CTNNA3: variants seen among roughly 807,000 people sequenced by gnomAD.
The protein encoded by CTNNA3 is catenin alpha-3.
Under a neutral mutation model 95.7 loss-of-function variants are expected in CTNNA3, and 76 were observed. That is an observed-to-expected ratio of 0.79 (90% CI 0.66 to 0.96). The LOEUF (loss-of-function observed/expected upper bound fraction) is 0.96, where lower values mean the gene tolerates loss of function less well. CTNNA3 is among the 40% of genes least tolerant of loss of function. CTNNA3 has a pLI of 0.00. For missense variants in CTNNA3, 1,191 were observed against 1,089.8 expected (o/e 1.09, Z -1.31); for synonymous variants, 431 against 374.4 (o/e 1.15, Z -1.74).
At chr10:67,252,461 G>T (rs561755847) in intron 5 of CTNNA3, among the ~76,000 whole-genome samples, 2 of 152,148 alleles carry the variant, frequency 1.3e-5, no homozygotes, top group Non-Finnish European at 2.9e-5. Context: ...ATTAGGCACA[G>T]TAGAAATCAG....
rs202166609 is a variant in CTNNA3 at position 67,663,380 on chromosome 10, AC to A, written c.-5-15863del. Among the ~76,000 whole-genome samples, 547 of 151,162 alleles carry A rather than the reference AC, an allele frequency of 3.6e-3. 4 individuals are homozygous for A. Among genetic ancestry groups the A allele is most frequent in the African/African-American group, 0.012 (513 of 41,220 alleles). On this transcript the variant is annotated intron_variant, in intron 1 of 17. Transcript: ENST00000433211. The stretch of plus-strand genomic sequence containing the variant: ...AAAGCTAGCTGAGGTTTTATTTTGG[AC>A]CAAAAAAAAAAGCAATTGAATTGTT...
intron 12 of CTNNA3, among the ~76,000 whole-genome samples, chr10:66,360,796 CCTTCCTTCCTTCCTTCCTTCCTTTCTTT>C (rs1462012666): frequency 1.6e-5 from 1 of 62,476 alleles, no homozygotes; most frequent in African/African-American, 6.9e-5. Context: ...TTCCTTCCTT[CCTTCCTTCCTTCCTTCCTTCCTTTCTTT>C]CTTTCTTTCT....
chr10:66,676,970 C>T (rs995566727), intron 9 of CTNNA3, among the ~76,000 whole-genome samples: 2 of 152,030 alleles, frequency 1.3e-5, no homozygotes, highest in African/African-American at 4.8e-5. Context: ...AAGCAGAAAC[C>T]CAAGCCACAT....
At chr10:66,763,266 T>G (rs1839675333) in intron 9 of CTNNA3, among the ~76,000 whole-genome samples, 1 of 151,746 alleles carries the variant, frequency 6.6e-6, no homozygotes, top group Non-Finnish European at 1.5e-5. Flanking sequence ...AACAGATTTT[T>G]CTGGGAGATA....
At chr10:66,909,060 G>A (rs1456603364) in intron 7 of CTNNA3, among the ~76,000 whole-genome samples, 1 of 152,066 alleles carries the variant, frequency 6.6e-6, no homozygotes, top group Non-Finnish European at 1.5e-5. Flanking sequence ...TAGGCTACAG[G>A]TATTTCCAGT....
chr10:66,817,493 G>A (rs1842135599), intron 7 of CTNNA3, among the ~76,000 whole-genome samples: 5 of 151,936 alleles, frequency 3.3e-5, no homozygotes, highest in Admixed American at 2.0e-4. Flanking sequence ...CATTACTATT[G>A]ACTTAACAGA....
At chr10:66,089,569 A>G (rs1227661536) in intron 14 of CTNNA3, among the ~76,000 whole-genome samples, 1 of 151,820 alleles carries the variant, frequency 6.6e-6, no homozygotes, top group Non-Finnish European at 1.5e-5. Context: ...TTCACTGCAC[A>G]ATATGAATCC....
At chr10:66,917,322 A>C (rs1846542242) in intron 7 of CTNNA3, among the ~76,000 whole-genome samples, 1 of 152,224 alleles carries the variant, frequency 6.6e-6, no homozygotes, top group Non-Finnish European at 1.5e-5. Context: ...TATCCTAAGC[A>C]TTCCCCAACA....
intron 7 of CTNNA3, among the ~76,000 whole-genome samples, chr10:66,940,524 A>G (rs959017747): frequency 2.0e-5 from 3 of 152,166 alleles, no homozygotes; most frequent in African/African-American, 7.2e-5. Context: ...TGACTGAATA[A>G]AAGAAGTCCA....
At chr10:67,104,142 G>C (rs1434178955) in intron 7 of CTNNA3, among the ~76,000 whole-genome samples, 2 of 151,688 alleles carry the variant, frequency 1.3e-5, no homozygotes, top group Non-Finnish European at 2.9e-5. Context: ...AAAGAGGTCA[G>C]GTTGCCAATT....
intron 5 of CTNNA3, among the ~76,000 whole-genome samples, chr10:67,233,545 C>T (rs1865320198): frequency 1.5e-5 from 2 of 136,432 alleles, no homozygotes; most frequent in Non-Finnish European, 3.1e-5. Context: ...ACTAAATGCC[C>T]ACAAGAGAAA....
intron 7 of CTNNA3, among the ~76,000 whole-genome samples, chr10:67,177,234 C>T (rs369621724): frequency 2.6e-5 from 4 of 152,218 alleles, no homozygotes; most frequent in South Asian, 2.1e-4. Context: ...ACTTATTGAA[C>T]GTTGAGATTC....
At chr10:66,290,564 A>T (rs1589038777) in intron 12 of CTNNA3, among the ~76,000 whole-genome samples, 2 of 152,140 alleles carry the variant, frequency 1.3e-5, no homozygotes, top group East Asian at 3.8e-4. Context: ...TAAATAATAA[A>T]ATGAACAATA....
chr10:66,631,953 C>A (rs1193306046), intron 9 of CTNNA3, among the ~76,000 whole-genome samples: 1 of 127,364 alleles, frequency 7.9e-6, no homozygotes, highest in African/African-American at 2.9e-5. Context: ...GTTTTCATGA[C>A]AAAATTTGTT....
At chr10:65,995,264 A>T (rs764024932) in intron 15 of CTNNA3, among the ~76,000 whole-genome samples, 4 of 151,924 alleles carry the variant, frequency 2.6e-5, no homozygotes, top group Non-Finnish European at 5.9e-5. Context: ...ATATCTTTGC[A>T]TATGGTGTAA....
intron 9 of CTNNA3, among the ~76,000 whole-genome samples, chr10:66,656,957 C>T (rs1846093472): frequency 6.6e-6 from 1 of 152,010 alleles, no homozygotes; most frequent in African/African-American, 2.4e-5. Context: ...AAAGATAATC[C>T]ATATGTCCCC....
intron 3 of CTNNA3, among the ~76,000 whole-genome samples, chr10:67,585,609 G>A (rs886327053): frequency 3.3e-5 from 5 of 152,044 alleles, no homozygotes; most frequent in Non-Finnish European, 5.9e-5. Flanking sequence ...AGGTTTTCTA[G>A]TGTGTGAGTA....
chr10:67,322,232 A>G, intron 5 of CTNNA3, among the ~76,000 whole-genome samples: 1 of 152,258 alleles, frequency 6.6e-6, no homozygotes, highest in East Asian at 1.9e-4. Flanking sequence ...TTTATTTATA[A>G]CTTTTATTTT....
At chr10:67,503,017 A>G (rs1266464679) in intron 5 of CTNNA3, among the ~76,000 whole-genome samples, 1 of 152,180 alleles carries the variant, frequency 6.6e-6, no homozygotes, top group East Asian at 1.9e-4. Context: ...CTGGGGTATG[A>G]AACAAAATTC....
Sources: gnomAD v4.1 joint callset for allele counts (sites outside exome capture counted in the v4.1 genomes callset) on GRCh38, gnomAD v4.1.1 for gene constraint, MANE v1.5 for transcripts, NCBI Gene and HGNC (gene_info 2026-07-23, HGNC 2026-07-21) for gene names.